Variants in RPS6KA2 observed in about 807,000 individuals in gnomAD.
RPS6KA2 encodes ribosomal protein S6 kinase alpha-2.
Under a neutral mutation model 91.8 loss-of-function variants are expected in RPS6KA2, and 42 were observed. The ratio of observed to expected loss-of-function variants is 0.46; its 90% CI spans 0.36 to 0.59. The LOEUF is 0.59. RPS6KA2 is among the 20% of genes least tolerant of loss of function. The pLI is 0.00. For synonymous variants in RPS6KA2, 414 were observed against 393.6 expected, an observed-to-expected ratio of 1.05 and a Z score of -0.61; for missense variants, 798 against 978.5, an observed-to-expected ratio of 0.82 and a Z score of 2.46.
rs1022968479 is a variant in RPS6KA2, at chr6:166,733,112, G to A, written c.123+125088C>T. Among the ~76,000 whole-genome samples the A allele has an allele frequency of 4.6e-5, 7 of 152,156 alleles. No homozygotes were observed. The highest frequency in any genetic ancestry group is 1.7e-4 in the African/African-American group (7 of 41,438). ...GCCCCCTGTGGATCGAGCCTACCCTGTACTCAGGGCCATGCCAAACCATTG... is the reference window on the plus strand; with the variant it reads ...GCCCCCTGTGGATCGAGCCTACCCTATACTCAGGGCCATGCCAAACCATTG... On this transcript the variant is annotated intron_variant, in intron 2 of 21. Coordinates refer to the RPS6KA2 transcript ENST00000503859. The surrounding 1 kb of genome is among the most constrained non-coding windows in gnomAD (Gnocchi z 4.1).
chr6:166,616,499 G>A (rs1035194232), intron 1 of RPS6KA2, among the ~76,000 whole-genome samples: 7 of 152,188 alleles, frequency 4.6e-5, no homozygotes, highest in African/African-American at 1.2e-4. Flanking sequence ...CATACATGAC[G>A]GTACAGTTGC....
chr6:166,806,877 G>A (rs1470718236), intron 2 of RPS6KA2, among the ~76,000 whole-genome samples: 1 of 152,124 alleles, frequency 6.6e-6, no homozygotes, highest in Non-Finnish European at 1.5e-5. Context: ...GAAAGAGGTG[G>A]TAAAGGGGCT....
intron 10 of RPS6KA2, 105 bp from the exon 11 acceptor site, chr6:166,470,010 G>A (rs964567468): frequency 9.0e-5 from 91 of 1,015,372 alleles, no homozygotes; most frequent in African/African-American, 1.3e-4. Context: ...AGGTGGGGCC[G>A]TGGGAAGGAG....
At position 166,849,648 on chromosome 6, in the gene RPS6KA2, T is replaced by C. The variant is rs1281327837; in HGVS notation, c.123+8552A>G. ...AATGTTTACCCTATTAACTTGGAGA[T>C]AGGCATTTATTGGGCTAAATCCTCA... is the stretch of plus-strand genomic sequence containing the variant. On this transcript the variant is annotated intron_variant, in intron 2 of 21. Transcript: ENST00000503859. This position sits in a 1 kb window ranked among gnomAD's most constrained non-coding sequence, Gnocchi z 4.9. Among the ~76,000 whole-genome samples the C allele has an allele frequency of 6.6e-6, 1 of 152,210 alleles. No individual in the cohort carries two copies. Among genetic ancestry groups the C allele is most frequent in the Non-Finnish European group, 1.5e-5 (1 of 68,030 alleles).
At chr6:166,517,091 T>A (rs1286267214) in intron 3 of RPS6KA2, among the ~76,000 whole-genome samples, 1 of 152,042 alleles carries the variant, frequency 6.6e-6, no homozygotes, top group East Asian at 1.9e-4. Context: ...TTGAAGGGAC[T>A]ACCTAGTTAC....
At chr6:166,531,738 A>ATACTTTCTCTTATTTC (rs1300329226) in intron 2 of RPS6KA2, among the ~76,000 whole-genome samples, 290 of 152,294 alleles carry the variant, frequency 1.9e-3, no homozygotes, top group African/African-American at 6.9e-3. Context: ...GATTTTCAAG[A>ATACTTTCTCTTATTTC]AAAGCTACTT....
In RPS6KA2 at chr6:166,508,063, T is replaced by G. The variant is rs542522665; in HGVS notation, c.459+140A>C. 818 of 573,890 alleles carry G rather than the reference T, an allele frequency of 1.4e-3. 2 individuals are homozygous for G. Among genetic ancestry groups the G allele is most frequent in the Non-Finnish European group, 2.0e-3 (650 of 320,554 alleles). 35.5% of individuals were successfully genotyped at this position (573,890 alleles called of 1,614,324 possible). ...CCCACACACGCACTCTTGCACACAC[T>G]CACACATGCACACACCCCCACACAC... On this transcript the variant is annotated intron_variant, in intron 5 of 20. Coordinates refer to ENST00000265678, the MANE Select transcript of RPS6KA2 (RefSeq NM_021135.6). This position sits in a 1 kb window ranked among gnomAD's most constrained non-coding sequence, Gnocchi z 4.3.
intron 2 of RPS6KA2, among the ~76,000 whole-genome samples, chr6:166,780,938 T>A (rs900551871): frequency 6.6e-6 from 1 of 152,098 alleles, no homozygotes; most frequent in African/African-American, 2.4e-5. Context: ...TGCAATCAAG[T>A]TCATCACAAT....
At chr6:166,611,117 C>T (rs1786155197) in intron 1 of RPS6KA2, among the ~76,000 whole-genome samples, 1 of 152,088 alleles carries the variant, frequency 6.6e-6, no homozygotes. Context: ...TTTACTATCT[C>T]AAATAGACTG....
intron 2 of RPS6KA2, among the ~76,000 whole-genome samples, chr6:166,828,267 G>A (rs1780095895): frequency 6.6e-6 from 1 of 152,194 alleles, no homozygotes; most frequent in South Asian, 2.1e-4. Context: ...CCCGGAAGGT[G>A]AACCTGTCAC....
chr6:166,430,355 T>C, intron 16 of RPS6KA2, 98 bp downstream of exon 16: 1 of 1,071,458 alleles, frequency 9.3e-7, no homozygotes, highest in Non-Finnish European at 1.4e-6. Context: ...TCCAGGACAA[T>C]CCGCGTTCTC....
At chr6:166,496,236 G>A (rs1583206347) in intron 8 of RPS6KA2, among the ~76,000 whole-genome samples, 1 of 151,844 alleles carries the variant, frequency 6.6e-6, no homozygotes, top group East Asian at 1.9e-4. Flanking sequence ...TGTAGTCGCA[G>A]CTACTTGGGA....
chr6:166,474,069 C>G (rs1780871366), intron 10 of RPS6KA2, among the ~76,000 whole-genome samples: 1 of 151,066 alleles, frequency 6.6e-6, no homozygotes, highest in Admixed American at 6.6e-5. Context: ...GGGGCTCAGG[C>G]TTGAGCGGTG....
intron 2 of RPS6KA2, among the ~76,000 whole-genome samples, chr6:166,819,719 C>T (rs1174394628): frequency 2.6e-5 from 4 of 152,076 alleles, no homozygotes; most frequent in Non-Finnish European, 4.4e-5. Flanking sequence ...TCTGCAGTGC[C>T]CCATGCATAG....
chr6:166,687,517 AAAGG>A (rs1160858876), intron 2 of RPS6KA2, among the ~76,000 whole-genome samples: 1 of 152,190 alleles, frequency 6.6e-6, no homozygotes, highest in Non-Finnish European at 1.5e-5. Context: ...AAGCTAAAGA[AAAGG>A]AAGAGGTGGT....
rs1437438791 is a variant in RPS6KA2, at chr6:166,500,390, A to G, written c.604+497T>C. Among the ~76,000 whole-genome samples the G allele has an allele frequency of 6.6e-6, 1 of 152,212 alleles. No individual in the cohort carries two copies. The highest frequency in any genetic ancestry group is 2.4e-5 in the African/African-American group (1 of 41,450). ...GGTGGCTGCCAGGGCTCAGATGGAAACAGGGAGGGAAGTCACGTGGCCACC... is the reference window on the plus strand; with the variant it reads ...GGTGGCTGCCAGGGCTCAGATGGAAGCAGGGAGGGAAGTCACGTGGCCACC... On this transcript the variant is annotated intron_variant, in intron 7 of 20. Transcript: ENST00000265678. The surrounding 1 kb of genome is among the most constrained non-coding windows in gnomAD (Gnocchi z 4.3).
chr6:166,759,065 T>TTG (rs1253071941), intron 2 of RPS6KA2, among the ~76,000 whole-genome samples: 1 of 136,406 alleles, frequency 7.3e-6, no homozygotes, highest in East Asian at 2.2e-4. Context: ...AATGTTGCAT[T>TTG]CGTGTGTGTG....
intron 2 of RPS6KA2, among the ~76,000 whole-genome samples, chr6:166,693,246 C>T (rs1473476810): frequency 6.6e-6 from 1 of 152,242 alleles, no homozygotes; most frequent in South Asian, 2.1e-4. Context: ...TGCCTCCTAT[C>T]ACTGCCTGTG....
chr6:166,691,024 T>C (rs751759823), intron 2 of RPS6KA2, among the ~76,000 whole-genome samples: 4 of 152,220 alleles, frequency 2.6e-5, no homozygotes, highest in Non-Finnish European at 5.9e-5. Flanking sequence ...ACAGTCCATA[T>C]AATATATTCT....
Sources: allele counts gnomAD v4.1 joint callset (sites outside exome capture counted in the v4.1 genomes callset), GRCh38; gene constraint gnomAD v4.1.1; non-coding constraint Gnocchi (gnomAD v3.1); transcripts MANE v1.5; gene names NCBI Gene and HGNC (gene_info 2026-07-23, HGNC 2026-07-21).